CPXM2: variants seen among roughly 807,000 people sequenced by gnomAD.
CPXM2 encodes carboxypeptidase X, M14 family member 2, also known as inactive carboxypeptidase-like protein X2.
CPXM2 carries 66 observed loss-of-function variants against 86.1 expected under a neutral mutation model. The ratio of observed to expected loss-of-function variants is 0.77; its 90% CI spans 0.63 to 0.94. The LOEUF is 0.94. Among genes scored for constraint, CPXM2 ranks in the 40% least tolerant of loss-of-function variants. The pLI is 0.00. For missense variants in CPXM2, 948 were observed against 1,026.3 expected, an observed-to-expected ratio of 0.92 and a Z score of 1.04; for synonymous variants, 388 against 400.2, an observed-to-expected ratio of 0.97 and a Z score of 0.36.
intron 2 of CPXM2, among the ~76,000 whole-genome samples, chr10:123,908,126 A>C (rs958345270): frequency 2.0e-5 from 3 of 152,002 alleles, no homozygotes; most frequent in African/African-American, 7.2e-5. Flanking sequence ...GATAGTGGTG[A>C]CTTGGGATGG....
intron 3 of CPXM2, among the ~76,000 whole-genome samples, chr10:123,847,129 T>G (rs1269482224): frequency 6.6e-6 from 1 of 151,872 alleles, no homozygotes; most frequent in Non-Finnish European, 1.5e-5. Context: ...AGGAAAGGGG[T>G]GATAAAAATG....
chr10:123,940,484 G>A (rs1390892432), upstream of CPXM2, among the ~76,000 whole-genome samples: 2 of 152,150 alleles, frequency 1.3e-5, no homozygotes, highest in Non-Finnish European at 1.5e-5. Context: ...GCCCAAGCCT[G>A]GGAATCACTC....
intron 3 of CPXM2, among the ~76,000 whole-genome samples, chr10:123,853,925 A>G (rs928732378): frequency 6.6e-6 from 1 of 151,918 alleles, no homozygotes; most frequent in Non-Finnish European, 1.5e-5. Flanking sequence ...AGAAAGAAAG[A>G]AAGAATCTGC....
At chr10:123,878,193 C>G (rs76919233) in intron 2 of CPXM2, among the ~76,000 whole-genome samples, 6,132 of 152,230 alleles carry the variant, frequency 0.04, 169 homozygotes, top group East Asian at 0.1. Flanking sequence ...CCACGCCACC[C>G]TGCCACATGT....
upstream of CPXM2, among the ~76,000 whole-genome samples, chr10:123,895,167 T>A (rs1914541): frequency 0.22 from 32,266 of 143,554 alleles, 3,871 homozygotes; most frequent in African/African-American, 0.26. Context: ...TTTGTCACCC[T>A]GGCTTGAGTG....
chr10:123,916,651 G>C (rs1430647893), intron 2 of CPXM2, among the ~76,000 whole-genome samples: 1 of 152,164 alleles, frequency 6.6e-6, no homozygotes. Flanking sequence ...CTCTTCCTCA[G>C]CTCAGAACCT....
intron 6 of CPXM2, among the ~76,000 whole-genome samples, chr10:123,787,847 A>C (rs1284098198): frequency 6.6e-6 from 1 of 151,850 alleles, no homozygotes; most frequent in Non-Finnish European, 1.5e-5. Flanking sequence ...ATTCCAAGTT[A>C]CCCGGGGATG....
intron 3 of CPXM2, among the ~76,000 whole-genome samples, chr10:123,844,281 T>C (rs1358752749): frequency 6.6e-6 from 1 of 151,940 alleles, no homozygotes; most frequent in African/African-American, 2.4e-5. Context: ...CTGATAAATT[T>C]TGGAGAAATT....
At chr10:123,860,702 C>A (rs550362414) in intron 3 of CPXM2, among the ~76,000 whole-genome samples, 6 of 152,322 alleles carry the variant, frequency 3.9e-5, no homozygotes, top group Admixed American at 2.0e-4. Flanking sequence ...TCCTCAGAGG[C>A]CTGGAGCCCC....
chr10:123,751,521 C>T, intron 13 of CPXM2: 3 of 985,280 alleles, frequency 3.0e-6, no homozygotes, highest in Non-Finnish European at 3.6e-6. Context: ...CAACTCAGGC[C>T]CAAAGAATGT....
At chr10:123,788,273 C>T (rs573519735) in intron 6 of CPXM2, among the ~76,000 whole-genome samples, 15 of 95,588 alleles carry the variant, frequency 1.6e-4, no homozygotes, top group Admixed American at 1.1e-3. Context: ...GAGCAAGACC[C>T]CATCTCAAAA....
intron 6 of CPXM2, among the ~76,000 whole-genome samples, chr10:123,794,085 T>G (rs556624984): frequency 5.3e-5 from 8 of 152,256 alleles, no homozygotes; most frequent in Non-Finnish European, 5.9e-5. Context: ...GTGTGTCACC[T>G]GCTCTTGGCC....
At chr10:123,928,781 TC>T (rs1945643976) in intron 2 of CPXM2, among the ~76,000 whole-genome samples, 1 of 152,242 alleles carries the variant, frequency 6.6e-6, no homozygotes, top group Non-Finnish European at 1.5e-5. Context: ...AGCCATTTAG[TC>T]CCCTAGCCTT....
chr10:123,891,342 A>G lies in CPXM2; in HGVS notation c.304+14T>C. 1.3e-6 allele frequency: 2 copies of G among 1,512,990 alleles called. No homozygotes were observed. The highest frequency in any genetic ancestry group is 1.8e-6 in the Non-Finnish European group (2 of 1,132,274). 93.7% of individuals were successfully genotyped at this position (1,512,990 alleles called of 1,614,324 possible). On this transcript the variant is annotated intron_variant, in intron 1 of 13. Coordinates refer to ENST00000241305, the MANE Select transcript of CPXM2 (RefSeq NM_198148.3). The surrounding 1 kb of genome is among the most constrained non-coding windows in gnomAD (Gnocchi z 5.6). ...GGCGCCCCCTCGGGCTGCCCAGCGC[A>G]GAAAGTTCCTTACCTGGTGGAGGCG...
At chr10:123,884,789 G>C (rs1008046934) in intron 1 of CPXM2, among the ~76,000 whole-genome samples, 1 of 151,956 alleles carries the variant, frequency 6.6e-6, no homozygotes, top group Non-Finnish European at 1.5e-5. Flanking sequence ...ATACCTGCCT[G>C]GTCAGTCCCA....
At chr10:123,804,678 A>G (rs922671144) in intron 4 of CPXM2, among the ~76,000 whole-genome samples, 2 of 151,872 alleles carry the variant, frequency 1.3e-5, no homozygotes, top group African/African-American at 4.8e-5. Context: ...TAGGTCCTCT[A>G]TTTCTTCTTC....
chr10:123,850,796 G>A (rs1417458932), intron 3 of CPXM2, among the ~76,000 whole-genome samples: 3 of 152,194 alleles, frequency 2.0e-5, no homozygotes, highest in Non-Finnish European at 2.9e-5. Context: ...TTTTCTACCT[G>A]TGAAATTGTG....
chr10:123,887,611 T>C (rs1945199591), intron 1 of CPXM2, among the ~76,000 whole-genome samples: 1 of 152,138 alleles, frequency 6.6e-6, no homozygotes, highest in Non-Finnish European at 1.5e-5. Flanking sequence ...GGGAGGGTGC[T>C]ACTGGCATCC....
At chr10:123,786,966 C>T (rs1015493230) in intron 6 of CPXM2, among the ~76,000 whole-genome samples, 1 of 152,186 alleles carries the variant, frequency 6.6e-6, no homozygotes, top group Non-Finnish European at 1.5e-5. Flanking sequence ...ACTAAACCTC[C>T]TGAGAACCTC....
Sources: gnomAD v4.1 joint callset for allele counts (sites outside exome capture counted in the v4.1 genomes callset) on GRCh38, gnomAD v4.1.1 for gene constraint, Gnocchi (gnomAD v3.1) non-coding constraint, MANE v1.5 for transcripts, NCBI Gene and HGNC (gene_info 2026-07-23, HGNC 2026-07-21) for gene names.